Variants in CDH12 observed in about 807,000 individuals in gnomAD.
CDH12 encodes cadherin-12.
In CDH12, 41 loss-of-function variants were observed where a neutral mutation model predicts 74.1. The ratio of observed to expected loss-of-function variants is 0.55; its 90% CI spans 0.43 to 0.72. The LOEUF is 0.72. Ranked by LOEUF, CDH12 falls within the 30% of genes least tolerant of loss-of-function variation. The pLI, the probability that CDH12 is intolerant of heterozygous loss-of-function variation, is 0.00. For synonymous variants in CDH12, 399 were observed against 355.0 expected (o/e 1.12, Z -1.39); for missense variants, 945 against 977.2 (o/e 0.97, Z 0.44).
intron 5 of CDH12, among the ~76,000 whole-genome samples, chr5:22,012,472 C>A (rs2150153852): frequency 6.6e-6 from 1 of 152,136 alleles, no homozygotes; most frequent in Admixed American, 6.6e-5. Flanking sequence ...AATGATATTT[C>A]TTCTATTTTT....
At chr5:21,945,572 T>G (rs1221295495) in intron 6 of CDH12, among the ~76,000 whole-genome samples, 1 of 151,104 alleles carries the variant, frequency 6.6e-6, no homozygotes, top group East Asian at 1.9e-4. Context: ...AAAAGTAAAT[T>G]CAATAATGAC....
chr5:21,888,578 C>T (rs555992928), intron 6 of CDH12, among the ~76,000 whole-genome samples: 1 of 121,938 alleles, frequency 8.2e-6, no homozygotes, highest in East Asian at 2.5e-4. Flanking sequence ...TACCCTAGAA[C>T]TTAAAGTATA....
intron 1 of CDH12, among the ~76,000 whole-genome samples, chr5:22,582,531 A>G (rs1220616260): frequency 6.6e-6 from 1 of 152,136 alleles, no homozygotes; most frequent in Admixed American, 6.5e-5. Context: ...TTACCAAATA[A>G]TCCTAAATTG....
rs1385386921 is a variant in CDH12 at position 22,244,772 on chromosome 5, GAA to G, written c.-332-32131_-332-32130del. ...AGAAAGAAAGAAAGAAAGAAAGAAA[GAA>G]AGAAAGAAAGAAAGAAAGAAAGAAA... On this transcript the variant is annotated intron_variant, in intron 3 of 14. Transcript: ENST00000382254. 1.3e-3 allele frequency among the ~76,000 whole-genome samples: 156 copies of G among 123,642 alleles called. 3 individuals carry two copies. Among genetic ancestry groups the G allele is most frequent in the East Asian group, 4.6e-3 (22 of 4,768 alleles). The allele number at this position is 123,642 out of a possible 152,430, so 81.1% of individuals were successfully genotyped here.
intron 1 of CDH12, among the ~76,000 whole-genome samples, chr5:22,657,491 A>T (rs991785320): frequency 1.3e-5 from 2 of 152,314 alleles, no homozygotes; most frequent in Admixed American, 1.3e-4. Flanking sequence ...TTTTCTTACG[A>T]CACACAATTT....
chr5:22,560,846 G>C (rs77038280), intron 1 of CDH12, among the ~76,000 whole-genome samples: 2 of 152,008 alleles, frequency 1.3e-5, no homozygotes, highest in East Asian at 3.9e-4. Context: ...GCTTTCTTTA[G>C]TTTAACAAAA....
At chr5:22,189,349 C>T (rs2150344341) in intron 4 of CDH12, among the ~76,000 whole-genome samples, 1 of 152,126 alleles carries the variant, frequency 6.6e-6, no homozygotes, top group East Asian at 1.9e-4. Flanking sequence ...TGATTATATA[C>T]CAACATGAGA....
At chr5:21,968,399 A>G in intron 6 of CDH12, among the ~76,000 whole-genome samples, 1 of 152,238 alleles carries the variant, frequency 6.6e-6, no homozygotes, top group East Asian at 1.9e-4. Context: ...AGGAAATGAT[A>G]GTTGGATCTG....
intron 4 of CDH12, among the ~76,000 whole-genome samples, chr5:22,197,166 C>T (rs1031107415): frequency 1.1e-4 from 16 of 152,070 alleles, no homozygotes; most frequent in Non-Finnish European, 1.3e-4. Context: ...AAAGAATAGC[C>T]GGGTGCAGCG....
At position 22,646,652 on chromosome 5, in the gene CDH12, AAAC is replaced by A. The variant is rs1213982429; in HGVS notation, c.-522-141291_-522-141289del. Among the ~76,000 whole-genome samples the A allele has an allele frequency of 4.6e-5, 7 of 151,934 alleles. No individual in the cohort carries two copies. The East Asian group carries it at 5.8e-4, about 13-fold the overall frequency. ...AATATTAGTGCAAGATTATAGATAA[AAAC>A]AACAACAACACCAACAATGAAATGC... On this transcript the variant is annotated intron_variant, in intron 1 of 14. Coordinates refer to ENST00000382254, the MANE Select transcript of CDH12 (RefSeq NM_004061.5).
chr5:22,220,242 A>G (rs184929687), intron 3 of CDH12, among the ~76,000 whole-genome samples: 20 of 151,790 alleles, frequency 1.3e-4, no homozygotes, highest in Non-Finnish European at 3.0e-4. Flanking sequence ...ATGTACATAA[A>G]TTGCATAAAT....
intron 5 of CDH12, among the ~76,000 whole-genome samples, chr5:22,022,377 T>C (rs1738046623): frequency 6.6e-6 from 1 of 152,176 alleles, no homozygotes. Flanking sequence ...GCCATGTGAA[T>C]ACATGGCTTG....
chr5:22,349,827 C>T lies in CDH12; in HGVS notation c.-333+55430G>A, dbSNP rs1028738637. The stretch of plus-strand genomic sequence containing the variant: ...TCGGCTCACTGCAAGCTCCGCCTCC[C>T]GGGTTCAGGCCATTCTCCTGCCTCA... On this transcript the variant is annotated intron_variant, in intron 3 of 14. Transcript: ENST00000382254. Among the ~76,000 whole-genome samples, 17 of 152,270 alleles carry T rather than the reference C, an allele frequency of 1.1e-4. 1 individual carries two copies. The East Asian group carries it at 2.7e-3, about 24-fold the overall frequency.
At chr5:22,333,305 G>A (rs1739426423) in intron 3 of CDH12, among the ~76,000 whole-genome samples, 1 of 151,922 alleles carries the variant, frequency 6.6e-6, no homozygotes, top group Non-Finnish European at 1.5e-5. Context: ...ACACACACTG[G>A]GGCCTCTCGG....
chr5:22,133,467 C>A (rs1746283889), intron 4 of CDH12, among the ~76,000 whole-genome samples: 1 of 152,042 alleles, frequency 6.6e-6, no homozygotes, highest in Admixed American at 6.6e-5. Flanking sequence ...TGAATTCAGC[C>A]TTTCTGAGGC....
intron 3 of CDH12, among the ~76,000 whole-genome samples, chr5:22,398,304 T>C (rs1214629465): frequency 2.0e-5 from 3 of 152,086 alleles, no homozygotes; most frequent in Non-Finnish European, 4.4e-5. Flanking sequence ...TTTTCCAGGA[T>C]TTGTCATTAT....
intron 2 of CDH12, among the ~76,000 whole-genome samples, chr5:22,410,713 G>T (rs1743136853): frequency 6.6e-6 from 1 of 151,964 alleles, no homozygotes. Context: ...ATTCCTCTTG[G>T]CCCCTTCAAT....
intron 3 of CDH12, among the ~76,000 whole-genome samples, chr5:22,329,361 G>C (rs1307007976): frequency 1.3e-5 from 2 of 152,128 alleles, no homozygotes; most frequent in Non-Finnish European, 2.9e-5. Flanking sequence ...AAGCTACAAT[G>C]CTTCTTGAGT....
chr5:22,733,625 C>T (rs1009446039), intron 1 of CDH12, among the ~76,000 whole-genome samples: 2 of 151,742 alleles, frequency 1.3e-5, no homozygotes, highest in African/African-American at 4.8e-5. Context: ...TAAAGTCAGC[C>T]TCTCTTCTTC....
Sources: allele counts gnomAD v4.1 joint callset (sites outside exome capture counted in the v4.1 genomes callset), GRCh38; gene constraint gnomAD v4.1.1; transcripts MANE v1.5; gene names NCBI Gene and HGNC (gene_info 2026-07-23, HGNC 2026-07-21).